CDKL3: variants seen among roughly 807,000 people sequenced by gnomAD.
The protein encoded by CDKL3 is cyclin-dependent kinase-like 3.
In CDKL3, 65 loss-of-function variants were observed where a neutral mutation model predicts 69.3. The observed-to-expected ratio is 0.94, with a 90% CI of 0.77 to 1.15. CDKL3 has a LOEUF of 1.15. Ranked by LOEUF, CDKL3 falls within the 50% of genes most tolerant of loss-of-function variation. The probability of loss-of-function intolerance (pLI) is 0.00; values close to 1 mark genes in which losing one functional copy is unlikely to be tolerated. For synonymous variants in CDKL3, 202 were observed against 221.6 expected, an observed-to-expected ratio of 0.91 and a Z score of 0.79; for missense variants, 652 against 689.2, an observed-to-expected ratio of 0.95 and a Z score of 0.61.
chr5:134,317,705 T>C (rs570819806), intron 6 of CDKL3, among the ~76,000 whole-genome samples: 4 of 152,144 alleles, frequency 2.6e-5, no homozygotes, highest in South Asian at 2.1e-4. Context: ...GGCAAGTTAA[T>C]AGTTTGTGCC....
At chr5:134,319,309 G>A (rs748994036) in intron 6 of CDKL3, 49 bp downstream of exon 6, 9 of 1,411,606 alleles carry the variant, frequency 6.4e-6, no homozygotes, top group African/African-American at 4.5e-5. Flanking sequence ...CAGCCTGGGC[G>A]ACAGAGCAAG....
intron 3 of CDKL3, among the ~76,000 whole-genome samples, chr5:134,359,285 C>T (rs1755411840): frequency 6.6e-6 from 1 of 152,026 alleles, no homozygotes; most frequent in African/African-American, 2.4e-5. Flanking sequence ...GCAACGAGAG[C>T]AAAACTCCAT....
intron 4 of CDKL3, among the ~76,000 whole-genome samples, chr5:134,344,054 C>T (rs905113920): frequency 1.3e-5 from 2 of 152,146 alleles, no homozygotes; most frequent in African/African-American, 4.8e-5. Context: ...GGGGAAAGAA[C>T]AATATTTTCA....
At chr5:134,361,618 T>C (rs950068721) in intron 2 of CDKL3, among the ~76,000 whole-genome samples, 1 of 152,130 alleles carries the variant, frequency 6.6e-6, no homozygotes, top group East Asian at 1.9e-4. Context: ...AAGAATTGAC[T>C]GTTGGCTGGG....
chr5:134,369,593 G>A (rs921956018), upstream of CDKL3, among the ~76,000 whole-genome samples: 4 of 67,698 alleles, frequency 5.9e-5, no homozygotes, highest in African/African-American at 1.2e-4. Context: ...GGGTTTTTTT[G>A]GTTGTTGCGG....
intron 5 of CDKL3, among the ~76,000 whole-genome samples, chr5:134,320,569 C>A (rs868284621): frequency 6.6e-6 from 1 of 151,990 alleles, no homozygotes. Flanking sequence ...CAAAGTGAGA[C>A]CCTGTCTCAA....
chr5:134,338,851 G>A (rs377136126), intron 4 of CDKL3, among the ~76,000 whole-genome samples: 3 of 151,932 alleles, frequency 2.0e-5, no homozygotes, highest in African/African-American at 7.3e-5. Flanking sequence ...TTACAACTAC[G>A]TCAATAATAA....
intron 2 of CDKL3, among the ~76,000 whole-genome samples, chr5:134,360,310 T>C (rs1248729171): frequency 6.6e-6 from 1 of 152,174 alleles, no homozygotes; most frequent in East Asian, 1.9e-4. Flanking sequence ...TTTCAATCAA[T>C]CCTCCTGCCT....
chr5:134,356,010 A>G (rs1383134435), intron 3 of CDKL3, among the ~76,000 whole-genome samples: 2 of 152,192 alleles, frequency 1.3e-5, no homozygotes, highest in Non-Finnish European at 2.9e-5. Flanking sequence ...CTTCAAGTGC[A>G]TTACATTTAT....
intron 5 of CDKL3, among the ~76,000 whole-genome samples, chr5:134,319,814 A>T (rs1033890320): frequency 6.6e-6 from 1 of 152,266 alleles, no homozygotes; most frequent in Non-Finnish European, 1.5e-5. Flanking sequence ...ACGCATTTCC[A>T]TATGGGTATC....
intron 2 of CDKL3, 113 bp downstream of exon 2, chr5:134,366,246 C>G: frequency 2.8e-6 from 2 of 705,462 alleles, no homozygotes; most frequent in Non-Finnish European, 4.5e-6. Context: ...GAGTATTACA[C>G]TTGTTTCTCC....
intron 7 of CDKL3, among the ~76,000 whole-genome samples, chr5:134,309,939 C>T (rs1768951475): frequency 6.6e-6 from 1 of 152,046 alleles, no homozygotes; most frequent in Non-Finnish European, 1.5e-5. Context: ...TCAAGAAATC[C>T]CCTACCTCAG....
intron 6 of CDKL3, among the ~76,000 whole-genome samples, chr5:134,316,155 T>C (rs1414778298): frequency 6.6e-6 from 1 of 152,230 alleles, no homozygotes; most frequent in East Asian, 1.9e-4. Flanking sequence ...TCTCCCTATA[T>C]TTCCCAAGTG....
chr5:134,330,332 G>C (rs761138295), intron 4 of CDKL3, among the ~76,000 whole-genome samples: 1 of 152,118 alleles, frequency 6.6e-6, no homozygotes, highest in South Asian at 2.1e-4. Context: ...AATTGCCCTC[G>C]TTTGATGAGA....
At chr5:134,357,957 T>C (rs552537987) in intron 3 of CDKL3, among the ~76,000 whole-genome samples, 3 of 152,316 alleles carry the variant, frequency 2.0e-5, no homozygotes, top group African/African-American at 7.2e-5. Context: ...CATGTGCCTG[T>C]AGTCCTAGCA....
At chr5:134,367,521 G>C (rs757204537), upstream of CDKL3, among the ~76,000 whole-genome samples, 3 of 151,612 alleles carry the variant, frequency 2.0e-5, no homozygotes, top group African/African-American at 7.3e-5. Context: ...TTACAGGCGT[G>C]TGCCACCACG....
At chr5:134,340,960 C>A (rs1251050296) in intron 4 of CDKL3, among the ~76,000 whole-genome samples, 2 of 152,070 alleles carry the variant, frequency 1.3e-5, no homozygotes, top group Non-Finnish European at 2.9e-5. Context: ...CAAACTGAAT[C>A]CAGCATCATA....
At chr5:134,286,281 C>A (rs1764857123), downstream of CDKL3, 1 of 152,544 alleles carries the variant, frequency 6.6e-6, no homozygotes, top group Admixed American at 6.5e-5. Flanking sequence ...CAGTTCCCAA[C>A]AAGTTCCTCA....
intron 4 of CDKL3, among the ~76,000 whole-genome samples, chr5:134,332,890 G>A (rs1561578598): frequency 6.6e-6 from 1 of 152,152 alleles, no homozygotes; most frequent in Non-Finnish European, 1.5e-5. Context: ...TGGCCAGTAT[G>A]GCCATTTTCA....
Sources: gnomAD v4.1 joint callset for allele counts (sites outside exome capture counted in the v4.1 genomes callset) on GRCh38, gnomAD v4.1.1 for gene constraint, MANE v1.5 for transcripts, NCBI Gene and HGNC (gene_info 2026-07-23, HGNC 2026-07-21) for gene names.